The following PCYT1B variants were observed in gnomAD, a reference collection of about 807,000 sequenced individuals.
PCYT1B encodes the protein phosphate cytidylyltransferase 1B, choline.
PCYT1B carries 10 observed loss-of-function variants against 26.4 expected under a neutral mutation model. The ratio of observed to expected loss-of-function variants is 0.38; its 90% confidence interval spans 0.23 to 0.64. The LOEUF (loss-of-function observed/expected upper bound fraction) is 0.64. PCYT1B is among the 30% of genes least tolerant of loss of function. The pLI, the probability that PCYT1B is intolerant of heterozygous loss-of-function variation, is 0.56. For missense variants in PCYT1B, 161 were observed against 292.7 expected (o/e 0.55, Z 3.28); for synonymous variants, 131 against 108.4 (o/e 1.21, Z -1.29).
chrX:24,593,441 CTTTCTTTTCTTTTCT>C (rs200527762), intron 3 of PCYT1B, among the ~76,000 whole-genome samples: 1,473 of 56,657 alleles, frequency 0.026, 25 homozygotes, highest in African/African-American at 0.035. Context: ...TCCTTTCTTT[CTTTCTTTTCTTTTCT>C]TTTCTTTTCT....
rs148342969 is a variant in PCYT1B at position 24,652,779 on chromosome X, A to C, written c.63+19791T>G. 7.4e-3 allele frequency among the ~76,000 whole-genome samples: 825 copies of C among 110,858 alleles called. 2 individuals carry two copies. Among genetic ancestry groups the C allele is most frequent in the Middle Eastern group, 0.014 (3 of 215 alleles). On this transcript the variant is annotated intron_variant, in intron 1 of 7. Transcript: ENST00000379145. The stretch of plus-strand genomic sequence containing the variant: ...AAGCAGTCCTCACATCAACGTCATC[A>C]AATTGTTGAAAACATTATTTTCGGC...
intron 7 of PCYT1B, among the ~76,000 whole-genome samples, chrX:24,573,824 C>T (rs1923932795): frequency 9.0e-6 from 1 of 110,810 alleles, no homozygotes; most frequent in African/African-American, 3.3e-5. Flanking sequence ...TGAAAAGGAG[C>T]CCAGCCCTTG....
At chrX:24,583,689 C>G (rs142309697) in intron 5 of PCYT1B, among the ~76,000 whole-genome samples, 2,294 of 111,929 alleles carry the variant, frequency 0.02, 30 homozygotes, top group Non-Finnish European at 0.028. Context: ...AAAACTGCCA[C>G]CAAATGCTTA....
chrX:24,582,781 G>C (rs1205443519), intron 5 of PCYT1B, among the ~76,000 whole-genome samples: 2 of 111,909 alleles, frequency 1.8e-5, no homozygotes, highest in Non-Finnish European at 3.8e-5. Context: ...AGAGACTTTT[G>C]ACTTTCAAAA....
intron 1 of PCYT1B, among the ~76,000 whole-genome samples, chrX:24,661,234 A>G (rs1407160089): frequency 8.9e-6 from 1 of 112,021 alleles, no homozygotes; most frequent in Non-Finnish European, 1.9e-5. Flanking sequence ...GCATTGAAGG[A>G]TGCTAGAGAA....
chrX:24,602,161 G>A (rs1001128120), intron 3 of PCYT1B, among the ~76,000 whole-genome samples: 2 of 111,966 alleles, frequency 1.8e-5, no homozygotes, highest in East Asian at 2.8e-4. Context: ...ATTATTCAGC[G>A]CCAAAAAGAA....
intron 3 of PCYT1B, among the ~76,000 whole-genome samples, chrX:24,597,206 C>A (rs1348652362): frequency 1.3e-4 from 14 of 108,056 alleles, no homozygotes; most frequent in African/African-American, 4.7e-4. Context: ...CTCACTGCAA[C>A]CTCCGCCTCC....
At chrX:24,635,174 G>A (rs1057376532) in intron 1 of PCYT1B, among the ~76,000 whole-genome samples, 2 of 111,976 alleles carry the variant, frequency 1.8e-5, no homozygotes, top group African/African-American at 6.5e-5. Flanking sequence ...TACATGTAAC[G>A]ATAAATGTTT....
At position 24,571,847 on chromosome X, in the gene PCYT1B, C is replaced by G. The variant is rs1469090269; in HGVS notation, c.897+3283G>C. Reference sequence around the variant, plus strand: ...CCTGTAGTCCCATCTATCTGGGAGGCTGAGGTGGGAGGATTGCTTGAGCCC... The same window carrying G: ...CCTGTAGTCCCATCTATCTGGGAGGGTGAGGTGGGAGGATTGCTTGAGCCC... On this transcript the variant is annotated intron_variant, in intron 7 of 7. Transcript: ENST00000379144. Among the ~76,000 whole-genome samples, 7 of 111,283 alleles carry G rather than the reference C, an allele frequency of 6.3e-5. No homozygotes were observed. In the East Asian group the frequency reaches 2.0e-3, roughly 31 times the overall value.
chrX:24,576,672 C>T (rs899022574), intron 6 of PCYT1B, among the ~76,000 whole-genome samples: 35 of 111,436 alleles, frequency 3.1e-4, no homozygotes, highest in African/African-American at 1.1e-3. Context: ...TGATTTCGAC[C>T]TTCCAAACCT....
intron 1 of PCYT1B, among the ~76,000 whole-genome samples, chrX:24,620,433 C>T (rs1925665581): frequency 9.0e-6 from 1 of 111,501 alleles, no homozygotes; most frequent in Non-Finnish European, 1.9e-5. Flanking sequence ...CTCACCTTCT[C>T]CTCCAGGGCT....
At chrX:24,622,984 G>C (rs1925745287) in intron 1 of PCYT1B, among the ~76,000 whole-genome samples, 1 of 111,998 alleles carries the variant, frequency 8.9e-6, no homozygotes. Context: ...CAAGCCTCAG[G>C]TTAGACTTTA....
intron 1 of PCYT1B, among the ~76,000 whole-genome samples, chrX:24,625,458 G>T (rs915469014): frequency 1.8e-5 from 2 of 110,467 alleles, no homozygotes; most frequent in African/African-American, 6.6e-5. Flanking sequence ...CTGTGTCACT[G>T]ATTATGTAGA....
At chrX:24,625,952 A>G (rs1404653208) in intron 1 of PCYT1B, among the ~76,000 whole-genome samples, 1 of 107,922 alleles carries the variant, frequency 9.3e-6, no homozygotes, top group Non-Finnish European at 1.9e-5. Context: ...TATTTCTACT[A>G]AAAATACAAA....
At chrX:24,659,280 A>T (rs1398903118) in intron 1 of PCYT1B, among the ~76,000 whole-genome samples, 1 of 112,397 alleles carries the variant, frequency 8.9e-6, no homozygotes, top group Non-Finnish European at 1.9e-5. Flanking sequence ...TAAATATCAT[A>T]TTTGACTCAT....
chrX:24,637,379 C>T (rs937256006), intron 1 of PCYT1B, among the ~76,000 whole-genome samples: 9 of 102,389 alleles, frequency 8.8e-5, no homozygotes, highest in Admixed American at 5.5e-4. Context: ...CGGTGGCTCA[C>T]GCCTGTAATC....
rs1226692293 is a variant in PCYT1B, at chrX:24,590,790, C to CTTT, written c.335-619_335-617dup. Among the ~76,000 whole-genome samples the CTTT allele has an allele frequency of 2.6e-3, 192 of 75,266 alleles. 2 individuals carry two copies. Among genetic ancestry groups the CTTT allele is most frequent in the Non-Finnish European group, 3.0e-3 (123 of 40,466 alleles). 65.4% of individuals were successfully genotyped at this position (75,266 alleles called of 115,157 possible). The stretch of plus-strand genomic sequence containing the variant: ...GTAGAGTTCATCCTTTCACATCTCT[C>CTTT]TTTTTTTTTTTTTTTTTTTTTGAGA... On this transcript the variant is annotated intron_variant, in intron 3 of 7. Coordinates refer to ENST00000379144, the MANE Select transcript of PCYT1B (RefSeq NM_004845.5).
intron 1 of PCYT1B, among the ~76,000 whole-genome samples, chrX:24,637,185 A>C (rs1232692668): frequency 9.1e-6 from 1 of 109,595 alleles, no homozygotes; most frequent in African/African-American, 3.3e-5. Flanking sequence ...GGCTAAATAA[A>C]GCATCTCTAA....
At chrX:24,651,788 T>C (rs1048470600), upstream of PCYT1B, among the ~76,000 whole-genome samples, 10 of 108,536 alleles carry the variant, frequency 9.2e-5, no homozygotes, top group Non-Finnish European at 3.8e-5. Context: ...TTGCTGAGAT[T>C]ACAAGCATGA....
Sources: allele counts gnomAD v4.1 joint callset (sites outside exome capture counted in the v4.1 genomes callset), GRCh38; gene constraint gnomAD v4.1.1; transcripts MANE v1.5; gene names NCBI Gene and HGNC (gene_info 2026-07-23, HGNC 2026-07-21).